The following UNC5C variants were observed in gnomAD, a reference collection of about 807,000 sequenced individuals.
UNC5C encodes the protein unc-5 netrin receptor C, also known as netrin receptor UNC5C.
A neutral mutation model predicts 99.8 loss-of-function variants in UNC5C; 47 were observed. That is an observed-to-expected ratio of 0.47 (90% CI 0.37 to 0.60). UNC5C has a LOEUF of 0.60. Ranked by LOEUF, UNC5C falls within the 20% of genes least tolerant of loss-of-function variation. UNC5C has a pLI of 0.00. For missense variants in UNC5C, 1,062 were observed against 1,165.9 expected (o/e 0.91, Z 1.30); for synonymous variants, 487 against 452.2 (o/e 1.08, Z -0.98).
At chr4:95,489,150 G>A (rs1721410732) in intron 1 of UNC5C, among the ~76,000 whole-genome samples, 1 of 150,586 alleles carries the variant, frequency 6.6e-6, no homozygotes, top group African/African-American at 2.4e-5. Context: ...AAGAAAGAAG[G>A]AAGGAAGGAA....
intron 5 of UNC5C, among the ~76,000 whole-genome samples, chr4:95,246,113 C>T (rs1194918456): frequency 6.6e-6 from 1 of 152,042 alleles, no homozygotes; most frequent in African/African-American, 2.4e-5. Flanking sequence ...CAGACAGAAA[C>T]ATTTTTTACA....
At chr4:95,447,853 C>T (rs1046003147) in intron 1 of UNC5C, among the ~76,000 whole-genome samples, 18 of 152,136 alleles carry the variant, frequency 1.2e-4, no homozygotes, top group Admixed American at 2.0e-4. Flanking sequence ...AATAGTCTAC[C>T]GTAAGGCAGA....
intron 1 of UNC5C, among the ~76,000 whole-genome samples, chr4:95,372,364 C>A (rs1744772969): frequency 6.6e-6 from 1 of 152,160 alleles, no homozygotes; most frequent in Admixed American, 6.5e-5. Context: ...AAGTGTTTGG[C>A]ATCCATGTAT....
At chr4:95,182,849 C>T in intron 14 of UNC5C, 48 bp downstream of exon 14, 1 of 1,572,742 alleles carries the variant, frequency 6.4e-7, no homozygotes, top group Admixed American at 1.7e-5. Flanking sequence ...CTCTGTCTTC[C>T]TGAGTGTCGC....
At chr4:95,359,287 T>C (rs1432721436) in intron 1 of UNC5C, among the ~76,000 whole-genome samples, 1 of 152,192 alleles carries the variant, frequency 6.6e-6, no homozygotes, top group African/African-American at 2.4e-5. Flanking sequence ...GACCTACTTC[T>C]ACATTGTACA....
At position 95,190,478 on chromosome 4, in the gene UNC5C, TTAAAG is replaced by T. The variant is rs375277921; in HGVS notation, c.2137-5287_2137-5283del. Among the ~76,000 whole-genome samples the T allele has an allele frequency of 2.8e-3, 425 of 152,256 alleles. 1 individual carries two copies. The highest frequency in any genetic ancestry group is 9.6e-3 in the African/African-American group (400 of 41,544). ...ACATTGTGCACATGTACCCGAGAAC[TTAAAG>T]TAGAATAAAAAAATTTTTTTTTTGT... is the stretch of plus-strand genomic sequence containing the variant. On this transcript the variant is annotated intron_variant, in intron 12 of 15. Transcript: ENST00000453304.
chr4:95,394,111 T>C (rs920716216), intron 1 of UNC5C, among the ~76,000 whole-genome samples: 1 of 152,178 alleles, frequency 6.6e-6, no homozygotes, highest in Non-Finnish European at 1.5e-5. Context: ...GTACTAAAGC[T>C]CATACTGTGA....
At chr4:95,378,672 C>T (rs1579370089) in intron 1 of UNC5C, among the ~76,000 whole-genome samples, 1 of 152,142 alleles carries the variant, frequency 6.6e-6, no homozygotes, top group Admixed American at 6.5e-5. Context: ...CTACTTCAAA[C>T]TGTATTTGAT....
At chr4:95,513,016 A>G (rs951009364) in intron 1 of UNC5C, among the ~76,000 whole-genome samples, 1 of 152,170 alleles carries the variant, frequency 6.6e-6, no homozygotes, top group African/African-American at 2.4e-5. Flanking sequence ...ACAACAACAA[A>G]AATTTTCTTG....
chr4:95,244,392 A>T (rs1739428313), intron 6 of UNC5C, among the ~76,000 whole-genome samples: 1 of 152,172 alleles, frequency 6.6e-6, no homozygotes, highest in South Asian at 2.1e-4. Context: ...CTCTTGCTGT[A>T]GGTACTACAG....
intron 2 of UNC5C, among the ~76,000 whole-genome samples, chr4:95,302,017 C>T (rs1741900608): frequency 6.6e-6 from 1 of 152,200 alleles, no homozygotes; most frequent in South Asian, 2.1e-4. Flanking sequence ...TAATTCCTTT[C>T]CCAATACAGC....
intron 1 of UNC5C, among the ~76,000 whole-genome samples, chr4:95,429,646 G>T (rs539080748): frequency 6.6e-6 from 1 of 152,238 alleles, no homozygotes; most frequent in East Asian, 1.9e-4. Flanking sequence ...GGCCAAAGAA[G>T]CCTCATTCAC....
chr4:95,232,802 G>T (rs1738961266), intron 7 of UNC5C, among the ~76,000 whole-genome samples: 1 of 152,126 alleles, frequency 6.6e-6, no homozygotes. Flanking sequence ...ATTGTGTTGG[G>T]CAGGCAGGCC....
chr4:95,245,965 A>G (rs1326169117), intron 5 of UNC5C, among the ~76,000 whole-genome samples: 1 of 152,244 alleles, frequency 6.6e-6, no homozygotes, highest in Non-Finnish European at 1.5e-5. Context: ...TACAACTAGT[A>G]TATGCATCTG....
At chr4:95,363,915 G>T (rs890900185) in intron 1 of UNC5C, among the ~76,000 whole-genome samples, 2 of 152,134 alleles carry the variant, frequency 1.3e-5, no homozygotes, top group Non-Finnish European at 2.9e-5. Context: ...TCACACTTCT[G>T]GGGGAAGCAA....
At position 95,162,610 on chromosome 4, in the gene UNC5C, T is replaced by C. The variant is rs1735716137; in HGVS notation, c.*6624A>G. The C allele has an allele frequency of 6.6e-6, 1 of 152,180 alleles. No individual in the cohort carries two copies. The highest frequency in any genetic ancestry group is 2.1e-4 in the South Asian group (1 of 4,826). The allele number at this position is 152,180 out of a possible 1,614,324, so 9.4% of individuals were successfully genotyped here. A position where few individuals can be genotyped will look rare whatever the true frequency, so the allele number is the denominator to read the frequency against. ...CAGGCAATTTACAAACCAAGGGGACTGCAGGGAAAATCAGGATTGGCAGCC... is the reference window on the plus strand; with the variant it reads ...CAGGCAATTTACAAACCAAGGGGACCGCAGGGAAAATCAGGATTGGCAGCC... On this transcript the variant is annotated 3_prime_UTR_variant, in exon 16 of 16. Coordinates refer to ENST00000453304, the MANE Select transcript of UNC5C (RefSeq NM_003728.4).
intron 1 of UNC5C, among the ~76,000 whole-genome samples, chr4:95,517,341 C>T (rs1441898805): frequency 6.6e-6 from 1 of 151,882 alleles, no homozygotes; most frequent in Non-Finnish European, 1.5e-5. Flanking sequence ...TTTCTAACTC[C>T]CAGTGACCTT....
chr4:95,176,943 G>GGTGTGCCATT (rs1553949519), intron 14 of UNC5C, among the ~76,000 whole-genome samples: 12 of 151,736 alleles, frequency 7.9e-5, no homozygotes, highest in African/African-American at 1.4e-4. Flanking sequence ...ATAATCTCCT[G>GGTGTGCCATT]GTGTGCCGTT....
At chr4:95,270,158 C>G (rs534164425) in intron 4 of UNC5C, among the ~76,000 whole-genome samples, 2 of 152,190 alleles carry the variant, frequency 1.3e-5, no homozygotes, top group African/African-American at 4.8e-5. Flanking sequence ...ATCTCACCTT[C>G]CCTTGTAGGT....
Sources: gnomAD v4.1 joint callset for allele counts (sites outside exome capture counted in the v4.1 genomes callset) on GRCh38, gnomAD v4.1.1 for gene constraint, MANE v1.5 for transcripts, NCBI Gene and HGNC (gene_info 2026-07-23, HGNC 2026-07-21) for gene names.